The following CEP104 variants were observed in gnomAD, a reference collection of about 807,000 sequenced individuals.
CEP104 encodes centrosomal protein of 104 kDa.
CEP104 carries 84 observed loss-of-function variants against 113.3 expected under a neutral mutation model. That is an observed-to-expected ratio of 0.74 (90% confidence interval 0.62 to 0.89). CEP104 has a LOEUF of 0.89. Ranked by LOEUF, CEP104 falls within the 40% of genes least tolerant of loss-of-function variation. CEP104 has a pLI of 0.00. For synonymous variants in CEP104, 378 were observed against 421.7 expected, an observed-to-expected ratio of 0.90 and a Z score of 1.27; for missense variants, 1,053 against 1,156.6, an observed-to-expected ratio of 0.91 and a Z score of 1.30.
At chr1:3,834,814 T>C in intron 11 of CEP104, 111 bp downstream of exon 11, 1 of 933,508 alleles carries the variant, frequency 1.1e-6, no homozygotes, top group Non-Finnish European at 1.6e-6. Flanking sequence ...TTACAGTTGG[T>C]GACCACGTCA....
Position 3,823,661 on chromosome 1 carries a change from G to T in CEP104, c.2365-99C>A. On this transcript the variant is annotated intron_variant, in intron 18 of 21. Transcript: ENST00000378230. This position sits in a 1 kb window ranked among gnomAD's most constrained non-coding sequence, Gnocchi z 4.1. ...GTGAGCGCCTCCCCTGCCCAGGGAG[G>T]TCTGTGCCGCCTGCACATGAAGTAA... The T allele has an allele frequency of 2.8e-6, 4 of 1,449,566 alleles. No homozygotes were observed. Among genetic ancestry groups the T allele is most frequent in the African/African-American group, 1.4e-5 (1 of 71,804 alleles). The allele number at this position is 1,449,566 out of a possible 1,614,324, so 89.8% of individuals were successfully genotyped here.
intron 2 of CEP104, among the ~76,000 whole-genome samples, chr1:3,851,426 C>T (rs979507430): frequency 4.6e-5 from 7 of 152,072 alleles, no homozygotes; most frequent in Admixed American, 2.0e-4. Context: ...CATATTTACG[C>T]GTTCGCGGGT....
intron 9 of CEP104, chr1:3,836,942 A>C (rs987799852): frequency 9.6e-6 from 5 of 518,848 alleles, no homozygotes; most frequent in Middle Eastern, 5.0e-4. Context: ...GGTAGATTCC[A>C]CCTCAATGAC....
chr1:3,830,041 C>T (rs766547713), intron 13 of CEP104, 44 bp from the exon 14 acceptor site: 2 of 1,388,822 alleles, frequency 1.4e-6, no homozygotes, highest in Non-Finnish European at 2.0e-6. Context: ...TAAAATAAAA[C>T]TAATTTCTTC....
rs74804469 is a variant in CEP104, at chr1:3,828,188, C to T, written c.2151+1078G>A. Among the ~76,000 whole-genome samples the T allele has an allele frequency of 6.0e-3, 911 of 152,292 alleles. 10 individuals carry two copies. The highest frequency in any genetic ancestry group is 0.02 in the African/African-American group (848 of 41,570). On this transcript the variant is annotated intron_variant, in intron 15 of 21. Transcript: ENST00000378230. ...CGCCTGGCAATGGGCTTAGTACATG[C>T]TAGCTCATGGCTGGAGGGAAATCCC...
intron 20 of CEP104, among the ~76,000 whole-genome samples, chr1:3,816,964 A>G (rs775561524): frequency 8.5e-5 from 13 of 152,230 alleles, no homozygotes; most frequent in Non-Finnish European, 1.6e-4. Flanking sequence ...TGTTGGATAT[A>G]AACGCGGGAT....
rs1027030686 is a variant in CEP104, at chr1:3,839,657, C to T, written c.686G>A (p.Arg229His). 8.1e-6 allele frequency: 13 copies of T among 1,613,880 alleles called. No homozygotes were observed. Among genetic ancestry groups the T allele is most frequent in the South Asian group, 3.3e-5 (3 of 91,060 alleles). Residue 229 changes from arginine to histidine, a missense_variant, in exon 7 of 22, where the codon CGC (arginine) becomes CAC (histidine). Transcript: ENST00000378230. ...TTTTAGTTTCTTGGCATAATCATAG[C>T]GTTCCTTTTGGACAGCTTCCCGTTT... is the stretch of plus-strand genomic sequence containing the variant. ...ERKREAVQKERYDYAKKLKQA... is the reference protein window; with the variant it reads ...ERKREAVQKEHYDYAKKLKQA...
chr1:3,836,365 T>G, intron 10 of CEP104, 130 bp downstream of exon 10: 1 of 898,798 alleles, frequency 1.1e-6, no homozygotes, highest in East Asian at 2.8e-5. Context: ...CAAAGGGAAG[T>G]CAACAATATT....
At chr1:3,838,904 C>A in intron 8 of CEP104, 60 bp downstream of exon 8, 2 of 1,565,956 alleles carry the variant, frequency 1.3e-6, no homozygotes, top group Non-Finnish European at 8.8e-7. Flanking sequence ...TTGTGAACCA[C>A]ACAGTTGAAT....
At chr1:3,820,684 C>G (rs562644587) in intron 20 of CEP104, among the ~76,000 whole-genome samples, 3 of 152,322 alleles carry the variant, frequency 2.0e-5, no homozygotes, top group Admixed American at 1.3e-4. Context: ...GCACTGCTAG[C>G]CAGGGCTCAC....
At position 3,826,672 on chromosome 1, in the gene CEP104, AC is replaced by A. The variant is rs756814447; in HGVS notation, c.2188+35del. 17 of 1,611,162 alleles carry A rather than the reference AC, an allele frequency of 1.1e-5. No individual in the cohort carries two copies. In the East Asian group the frequency reaches 3.6e-4, roughly 34 times the overall value. On this transcript the variant is annotated intron_variant, in intron 16 of 21. Transcript: ENST00000378230. ...ATTTACACACCCCGATTCTTTACAC[AC>A]CCCAGTTCTTTGTGCACCCCAATTC...
chr1:3,832,528 AGTGTAG>A (rs1326660236), intron 12 of CEP104, among the ~76,000 whole-genome samples: 1 of 90,758 alleles, frequency 1.1e-5, no homozygotes, highest in Non-Finnish European at 2.8e-5. Context: ...CCAGGAGTGT[AGTGTAG>A]GTCATAACCA....
chr1:3,824,163 C>T (rs537703347), intron 18 of CEP104, among the ~76,000 whole-genome samples: 5 of 152,060 alleles, frequency 3.3e-5, no homozygotes, highest in South Asian at 2.1e-4. Context: ...CTCGGCTCAC[C>T]GCAACCTCTG....
At chr1:3,836,004 A>AT (rs1644301293) in intron 10 of CEP104, among the ~76,000 whole-genome samples, 1 of 36,282 alleles carries the variant, frequency 2.8e-5, no homozygotes, top group South Asian at 4.3e-4. Context: ...ACTCTGTTTC[A>AT]TAAAAAAAAA....
intron 17 of CEP104, 145 bp downstream of exon 17, chr1:3,826,225 A>G (rs1644088191): frequency 1.5e-6 from 1 of 681,974 alleles, no homozygotes; most frequent in African/African-American, 1.8e-5. Flanking sequence ...CTCGGAGTGG[A>G]TGCTGGTTAG....
At chr1:3,847,895 C>T (rs1252329388) in intron 3 of CEP104, among the ~76,000 whole-genome samples, 4 of 151,996 alleles carry the variant, frequency 2.6e-5, no homozygotes, top group Non-Finnish European at 5.9e-5. Context: ...AGTGCAGTGG[C>T]GCGATCTTGG....
Position 3,833,997 on chromosome 1 carries a change from A to G in CEP104, c.1524T>C (p.Ile508=). The stretch of plus-strand genomic sequence containing the variant: ...GTTTATGTTTAGGAATATATTGTGT[A>G]ATGATCATTTTCAACAATTTCAAAG... ...QASLKLLKMI[I]TQYIPKHKLS... is the part of the protein sequence containing the mutation. Residue 508 remains isoleucine (I), a synonymous_variant, in exon 12 of 22, where the codon ATT becomes ATC. Transcript: ENST00000378230. The G allele has an allele frequency of 6.2e-7, 1 of 1,613,770 alleles. No homozygotes were observed. Among genetic ancestry groups the G allele is most frequent in the Middle Eastern group, 1.6e-4 (1 of 6,062 alleles).
chr1:3,824,898 G>T (rs1295511327), intron 18 of CEP104, among the ~76,000 whole-genome samples: 1 of 147,952 alleles, frequency 6.8e-6, no homozygotes, highest in Non-Finnish European at 1.5e-5. Flanking sequence ...CCGTGGGAAG[G>T]GGGCAGTGGC....
intron 13 of CEP104, 112 bp from the exon 14 acceptor site, chr1:3,830,109 AT>A (rs1644173887): frequency 1.3e-6 from 1 of 746,562 alleles, no homozygotes; most frequent in African/African-American, 1.8e-5. Flanking sequence ...AAACATCCGT[AT>A]TAAGTATTAT....
Sources: gnomAD v4.1 joint callset for allele counts (sites outside exome capture counted in the v4.1 genomes callset) on GRCh38, gnomAD v4.1.1 for gene constraint, Gnocchi (gnomAD v3.1) non-coding constraint, MANE v1.5 for transcripts, NCBI Gene and HGNC (gene_info 2026-07-23, HGNC 2026-07-21) for gene names.